The following CACNA1A variants were observed in gnomAD, a reference collection of about 807,000 sequenced individuals.
CACNA1A encodes the protein voltage-dependent P/Q-type calcium channel subunit alpha-1A.
A neutral mutation model predicts 262.4 loss-of-function variants in CACNA1A; 57 were observed. That is an observed-to-expected ratio of 0.22 (90% CI 0.18 to 0.27). The LOEUF (loss-of-function observed/expected upper bound fraction) is 0.27. Ranked by LOEUF, CACNA1A falls within the 10% of genes least tolerant of loss-of-function variation. The pLI, the probability that CACNA1A is intolerant of heterozygous loss-of-function variation, is 1.00. For synonymous variants in CACNA1A, 1,431 were observed against 1,419.3 expected, an observed-to-expected ratio of 1.01 and a Z score of -0.18; for missense variants, 2,526 against 3,562.8, an observed-to-expected ratio of 0.71 and a Z score of 7.41.
intron 12 of CACNA1A, among the ~76,000 whole-genome samples, chr19:13,310,577 G>A (rs1214927995): frequency 7.4e-6 from 1 of 135,564 alleles, no homozygotes; most frequent in Non-Finnish European, 1.5e-5. Context: ...ATGGACTTAC[G>A]TTGCTAGCTC....
Position 13,413,886 on chromosome 19 carries a change from AAAGAAAGAAAAAG to A in CACNA1A, c.539+38977_539+38989del, listed in dbSNP as rs1477484722. On this transcript the variant is annotated intron_variant, in intron 3 of 46. Transcript: ENST00000360228. ...ACAGAGCCAGACTCTGTCAAGAAAG[AAAGAAAGAAAAAG>A]AAAGAAAGAAAGAAAGAAAGAAAGA... Among the ~76,000 whole-genome samples the A allele has an allele frequency of 3.1e-5, 3 of 96,784 alleles. 1 individual carries two copies. The highest frequency in any genetic ancestry group is 1.0e-4 in the African/African-American group (2 of 19,292). The allele number at this position is 96,784 out of a possible 152,430, so 63.5% of individuals were successfully genotyped here.
intron 1 of CACNA1A, among the ~76,000 whole-genome samples, chr19:13,464,998 G>A (rs1301870994): frequency 2.6e-5 from 4 of 151,632 alleles, no homozygotes; most frequent in East Asian, 1.9e-4. Flanking sequence ...GTGCAATCTC[G>A]GTTGACTGCA....
chr19:13,239,224 C>T (rs765985551), intron 31 of CACNA1A, among the ~76,000 whole-genome samples: 13 of 152,010 alleles, frequency 8.6e-5, no homozygotes, highest in Admixed American at 6.6e-4. Flanking sequence ...CTGCCTTCTT[C>T]GGCTGTCTCC....
At chr19:13,271,126 A>AG (rs1430757866) in intron 24 of CACNA1A, among the ~76,000 whole-genome samples, 6 of 958 alleles carry the variant, frequency 6.3e-3, no homozygotes, top group East Asian at 0.1. Context: ...GTTGTAGGCC[A>AG]ATTTGAATGC....
chr19:13,228,591 TAGAGAG>T (rs34941295), intron 36 of CACNA1A: 12 of 216,912 alleles, frequency 5.5e-5, no homozygotes, highest in South Asian at 3.8e-4. Flanking sequence ...TCTGTTTTTT[TAGAGAG>T]AGAGAGAGAT....
intron 1 of CACNA1A, among the ~76,000 whole-genome samples, chr19:13,463,295 A>G (rs754687395): frequency 8.5e-5 from 13 of 152,172 alleles, no homozygotes; most frequent in Non-Finnish European, 1.8e-4. Flanking sequence ...TCATAAGCCC[A>G]TCTCAAGTAG....
intron 25 of CACNA1A, chr19:13,262,134 T>G (rs558863232): frequency 6.4e-6 from 1 of 157,388 alleles, no homozygotes; most frequent in East Asian, 1.8e-4. Flanking sequence ...CTCATTCTCC[T>G]GGGCTCAAGC....
In CACNA1A at chr19:13,298,876, C is replaced by G. The variant is rs747307828; in HGVS notation, c.2757G>C (p.Glu919Asp). The G allele has an allele frequency of 1.3e-6, 2 of 1,593,226 alleles. No individual in the cohort carries two copies. Among genetic ancestry groups the G allele is most frequent in the South Asian group, 2.2e-5 (2 of 90,180 alleles). The stretch of plus-strand genomic sequence containing the variant: ...GGTCCCCGGCCTTGCCTCGCTCGGC[C>G]TCGCCCTCCCAGAACCCGGGTTGCT... ...SLEQPGFWEG[E>D]AERGKAGDPH... The change falls in exon 19 of 47, where the codon GAG becomes GAC. Residue 919 changes from glutamate to aspartate, a missense_variant. Coordinates refer to ENST00000360228, the MANE Select transcript of CACNA1A (RefSeq NM_001127222.2).
chr19:13,236,874 T>C lies in CACNA1A; in HGVS notation c.4951-1144A>G, dbSNP rs887420395. ...GAGACCAGCTAGAGTTAAGTGGCCA[T>C]TGTGGGGCTTCAAGGGACCTTGGTG... On this transcript the variant is annotated intron_variant, in intron 31 of 46. Transcript: ENST00000360228. The surrounding 1 kb of genome is among the most constrained non-coding windows in gnomAD (Gnocchi z 4.6). 1.3e-5 allele frequency among the ~76,000 whole-genome samples: 2 copies of C among 152,088 alleles called. No individual in the cohort carries two copies. The highest frequency in any genetic ancestry group is 4.8e-5 in the African/African-American group (2 of 41,412).
chr19:13,321,901 C>CA (rs1244693315), intron 10 of CACNA1A, among the ~76,000 whole-genome samples: 1 of 151,796 alleles, frequency 6.6e-6, no homozygotes. Context: ...AAAAAATTTA[C>CA]AAAAAAATAA....
At chr19:13,235,404 C>G in intron 32 of CACNA1A, 130 bp from the exon 33 acceptor site, 1 of 924,536 alleles carries the variant, frequency 1.1e-6, no homozygotes, top group Non-Finnish European at 1.7e-6. Context: ...CCTTCCAGGG[C>G]TGGTGGGCAT....
At chr19:13,211,834 A>G in intron 43 of CACNA1A, 1 of 421,636 alleles carries the variant, frequency 2.4e-6, no homozygotes, top group African/African-American at 2.0e-5. Flanking sequence ...CAACCAGGGC[A>G]GCCAGAGACC....
At chr19:13,328,713 A>C (rs1034854128) in intron 10 of CACNA1A, among the ~76,000 whole-genome samples, 2 of 152,174 alleles carry the variant, frequency 1.3e-5, no homozygotes, top group Admixed American at 6.6e-5. Context: ...ACACCCTATA[A>C]TAGAGCTATG....
intron 3 of CACNA1A, chr19:13,450,474 T>G (rs6511866): frequency 0.089 from 13,513 of 152,260 alleles, 1,057 homozygotes; most frequent in East Asian, 0.25. Context: ...CCCTGCTTTA[T>G]TTTTCCTCTG....
intron 1 of CACNA1A, among the ~76,000 whole-genome samples, chr19:13,465,916 G>A (rs1174283713): frequency 6.6e-6 from 1 of 152,100 alleles, no homozygotes; most frequent in Non-Finnish European, 1.5e-5. Flanking sequence ...ATGGACTTTT[G>A]GGATATCTCA....
rs1415885362 is a variant in CACNA1A, at chr19:13,213,809, A to AAGT, written c.5940+421_5940+423dup. ...AGTGATTCTCCTGCCTCAGCCTCCC[A>AAGT]AGTAGCTGGGACCACAGGTGCATGG... On this transcript the variant is annotated intron_variant, in intron 40 of 46. Coordinates refer to ENST00000360228, the MANE Select transcript of CACNA1A (RefSeq NM_001127222.2). 4.4e-5 allele frequency: 7 copies of AAGT among 158,932 alleles called. No individual in the cohort carries two copies. The South Asian group carries it at 6.6e-4, about 15-fold the overall frequency. The allele number at this position is 158,932 out of a possible 1,614,324, so 9.8% of individuals were successfully genotyped here.
chr19:13,453,226 C>A (rs902576503), intron 2 of CACNA1A, among the ~76,000 whole-genome samples: 2 of 152,226 alleles, frequency 1.3e-5, no homozygotes, highest in African/African-American at 4.8e-5. Context: ...CTTCCTCCTT[C>A]ATTCCTTTTG....
chr19:13,365,038 C>T, intron 5 of CACNA1A: 1 of 257,192 alleles, frequency 3.9e-6, no homozygotes, highest in Non-Finnish European at 7.5e-6. Flanking sequence ...TTAAAAGATC[C>T]CTTCTTTCTC....
intron 1 of CACNA1A, among the ~76,000 whole-genome samples, chr19:13,491,900 C>A (rs960343318): frequency 6.6e-6 from 1 of 152,066 alleles, no homozygotes; most frequent in Non-Finnish European, 1.5e-5. Context: ...CACTATTGCA[C>A]TGGGGAGGGA....
Sources: allele counts gnomAD v4.1 joint callset (sites outside exome capture counted in the v4.1 genomes callset), GRCh38; gene constraint gnomAD v4.1.1; non-coding constraint Gnocchi (gnomAD v3.1); transcripts MANE v1.5; gene names NCBI Gene and HGNC (gene_info 2026-07-23, HGNC 2026-07-21).